SPA17: variants seen among roughly 807,000 people sequenced by gnomAD.
SPA17 encodes sperm surface protein Sp17.
SPA17 carries 7 observed loss-of-function variants against 13.8 expected under a neutral mutation model. The observed-to-expected ratio is 0.51, with a 90% confidence interval of 0.29 to 0.95. The LOEUF (loss-of-function observed/expected upper bound fraction) is 0.95. Ranked by LOEUF, SPA17 falls within the 40% of genes least tolerant of loss-of-function variation. The pLI is 0.08. For missense variants in SPA17, 170 were observed against 179.3 expected, an observed-to-expected ratio of 0.95 and a Z score of 0.30; for synonymous variants, 61 against 59.0, an observed-to-expected ratio of 1.03 and a Z score of -0.16.
rs774050345 is a variant in SPA17 at position 124,694,408 on chromosome 11, A to G, written c.418A>G (p.Asn140Asp). The change falls in exon 5 of 5, where the codon AAT becomes GAT. Residue 140 changes from asparagine (N) to aspartate (D), a missense_variant. Physicochemically the swap from Asn to Asp is conservative, Grantham distance 23. Coordinates refer to ENST00000227135, the MANE Select transcript of SPA17 (RefSeq NM_017425.4). Reference sequence around the variant, plus strand: ...AGAGGAGGCAAAGAAAATGAAAACAAATAGTCTTCAAAATGAGGAAAAAGA... The same window carrying G: ...AGAGGAGGCAAAGAAAATGAAAACAGATAGTCTTCAAAATGAGGAAAAAGA... ...AREEAKKMKT[N>D]SLQNEEKEEN... The G allele has an allele frequency of 1.9e-6, 3 of 1,613,710 alleles. No homozygotes were observed. The highest frequency in any genetic ancestry group is 2.5e-6 in the Non-Finnish European group (3 of 1,179,894).
At chr11:124,692,512 G>A (rs1008560982) in intron 4 of SPA17, among the ~76,000 whole-genome samples, 3 of 152,046 alleles carry the variant, frequency 2.0e-5, no homozygotes, top group Non-Finnish European at 2.9e-5. Context: ...CCCGGGAGGC[G>A]GAGGTTGCAG....
At chr11:124,678,483 C>A (rs1472525857) in intron 2 of SPA17, among the ~76,000 whole-genome samples, 2 of 151,258 alleles carry the variant, frequency 1.3e-5, no homozygotes, top group African/African-American at 4.9e-5. Context: ...AGTATGCTAT[C>A]ATTTAACAAA....
rs1318225503 is a variant in SPA17 at position 124,695,489 on chromosome 11, T to G, written c.*1043T>G. 1.3e-5 allele frequency: 2 copies of G among 152,206 alleles called. No homozygotes were observed. Among genetic ancestry groups the G allele is most frequent in the African/African-American group, 2.4e-5 (1 of 41,442 alleles). The allele number at this position is 152,206 out of a possible 1,614,324, so 9.4% of individuals were successfully genotyped here. Reference sequence around the variant, plus strand: ...TCCCTAGTGCCTTAGTTTTAGAAAGTTCCGTCTCTCCTTTTTGAGGCCTCT... The same window carrying G: ...TCCCTAGTGCCTTAGTTTTAGAAAGGTCCGTCTCTCCTTTTTGAGGCCTCT... On this transcript the variant is annotated 3_prime_UTR_variant, in exon 5 of 5. Transcript: ENST00000227135.
intron 2 of SPA17, among the ~76,000 whole-genome samples, chr11:124,676,507 C>CCA (rs1277989683): frequency 2.6e-5 from 4 of 152,132 alleles, no homozygotes; most frequent in Admixed American, 2.6e-4. Flanking sequence ...AAAACAACTC[C>CCA]CACACACACT....
At chr11:124,677,439 G>C (rs1365658159) in intron 2 of SPA17, among the ~76,000 whole-genome samples, 3 of 151,948 alleles carry the variant, frequency 2.0e-5, no homozygotes, top group Admixed American at 6.6e-5. Context: ...TTAAGATAAA[G>C]GAAAAAGATA....
Position 124,693,976 on chromosome 11 carries a change from C to G in SPA17, c.313-327C>G, listed in dbSNP as rs148743906. On this transcript the variant is annotated intron_variant, in intron 4 of 4. Coordinates refer to ENST00000227135, the MANE Select transcript of SPA17 (RefSeq NM_017425.4). Reference sequence around the variant, plus strand: ...CTTTCTTCTTAACATTTTTACCATGCCTCAAGGATTCTTTCTTGTCCCCCC... The same window carrying G: ...CTTTCTTCTTAACATTTTTACCATGGCTCAAGGATTCTTTCTTGTCCCCCC... Among the ~76,000 whole-genome samples the G allele has an allele frequency of 4.3e-3, 658 of 152,168 alleles. 15 individuals are homozygous for G. Among genetic ancestry groups the G allele is most frequent in the Admixed American group, 0.033 (497 of 15,278 alleles).
Position 124,695,204 on chromosome 11 carries a change from G to A in SPA17, c.*758G>A, listed in dbSNP as rs1201571804. 2 of 152,234 alleles carry A rather than the reference G, an allele frequency of 1.3e-5. No individual in the cohort carries two copies. Among genetic ancestry groups the A allele is most frequent in the Admixed American group, 6.5e-5 (1 of 15,280 alleles). 9.4% of individuals were successfully genotyped at this position (152,234 alleles called of 1,614,324 possible). On this transcript the variant is annotated 3_prime_UTR_variant, in exon 5 of 5. Transcript: ENST00000227135. ...ATGTATTCAATCATTTATTGAAAAT[G>A]TATTGAGTACTATTCATGTGCTGGG... is the stretch of plus-strand genomic sequence containing the variant.
At chr11:124,684,516 C>A (rs1353460179) in intron 3 of SPA17, among the ~76,000 whole-genome samples, 1 of 152,184 alleles carries the variant, frequency 6.6e-6, no homozygotes, top group Non-Finnish European at 1.5e-5. Context: ...CTTCCCAAAT[C>A]ACTGGGATTA....
At position 124,694,632 on chromosome 11, in the gene SPA17, C is replaced by G; in HGVS notation, c.*186C>G. On this transcript the variant is annotated 3_prime_UTR_variant, in exon 5 of 5. Coordinates refer to ENST00000227135, the MANE Select transcript of SPA17 (RefSeq NM_017425.4). ...ATTGAAACATGCCACTTGAAGATTT[C>G]TCTGAGATCATGAGTTTGTTTACAC... 1 of 700,768 alleles carries G rather than the reference C, an allele frequency of 1.4e-6. No individual in the cohort carries two copies. The highest frequency in any genetic ancestry group is 2.1e-5 in the South Asian group (1 of 46,982). The allele number at this position is 700,768 out of a possible 1,614,324, so 43.4% of individuals were successfully genotyped here.
At position 124,694,294 on chromosome 11, in the gene SPA17, T is replaced by TCGA; in HGVS notation, c.313-8_313-6dup. 1 of 1,605,098 alleles carries TCGA rather than the reference T, an allele frequency of 6.2e-7. No homozygotes were observed. The highest frequency in any genetic ancestry group is 8.5e-7 in the Non-Finnish European group (1 of 1,178,040). ...AAAGAGTCTCTTACTTTTTCTCCTT[T>TCGA]CGATGAAGGACTCTTCTGAGGAAGA... On this transcript the variant is annotated splice_polypyrimidine_tract_variant and intron_variant, in intron 4 of 4. Coordinates refer to ENST00000227135, the MANE Select transcript of SPA17 (RefSeq NM_017425.4).
At chr11:124,685,195 C>T (rs939985377) in intron 3 of SPA17, among the ~76,000 whole-genome samples, 1 of 152,222 alleles carries the variant, frequency 6.6e-6, no homozygotes, top group African/African-American at 2.4e-5. Flanking sequence ...CCCAGGGCTC[C>T]CCTGCTGTAT....
Position 124,695,403 on chromosome 11 carries a change from A to G in SPA17, c.*957A>G, listed in dbSNP as rs1313765953. On this transcript the variant is annotated 3_prime_UTR_variant, in exon 5 of 5. Coordinates refer to ENST00000227135, the MANE Select transcript of SPA17 (RefSeq NM_017425.4). Reference sequence around the variant, plus strand: ...CCCAAGTTTTTAAATATACAATGGTAATGCCTGTTTAACAAACTCAGAGGC... The same window carrying G: ...CCCAAGTTTTTAAATATACAATGGTGATGCCTGTTTAACAAACTCAGAGGC... 6.6e-6 allele frequency: 1 copy of G among 152,038 alleles called. No individual in the cohort carries two copies. Among genetic ancestry groups the G allele is most frequent in the Non-Finnish European group, 1.5e-5 (1 of 68,034 alleles). The allele number at this position is 152,038 out of a possible 1,614,324, so 9.4% of individuals were successfully genotyped here. A position where few individuals can be genotyped will look rare whatever the true frequency, so the allele number is the denominator to read the frequency against.
rs751097290 is a variant in SPA17, at chr11:124,675,408, G to C, written c.144G>C (p.Glu48Asp). Residue 48 changes from glutamate to aspartate, a missense_variant, in exon 2 of 5, where the codon GAG becomes GAC. Transcript: ENST00000227135. ...CAGCCTATTTTGAGAGCCTTCTAGAGAAAAGAGAGAGTAAGCTTTCTAAAA... is the reference window on the plus strand; with the variant it reads ...CAGCCTATTTTGAGAGCCTTCTAGACAAAAGAGAGAGTAAGCTTTCTAAAA... Reference protein sequence around the residue: ...FAAAYFESLLEKREKTNFDPA... With the variant: ...FAAAYFESLLDKREKTNFDPA... 1 of 1,608,532 alleles carries C rather than the reference G, an allele frequency of 6.2e-7. No individual in the cohort carries two copies. The highest frequency in any genetic ancestry group is 8.5e-7 in the Non-Finnish European group (1 of 1,178,742).
At chr11:124,673,976 C>G in intron 1 of SPA17, 24 bp downstream of exon 1, 1 of 541,994 alleles carries the variant, frequency 1.8e-6, no homozygotes, top group East Asian at 3.1e-5. Context: ...CCCACTTCCT[C>G]TCCGATACCA....
chr11:124,674,123 G>T, intron 1 of SPA17, 171 bp downstream of exon 1: 1 of 201,696 alleles, frequency 5.0e-6, no homozygotes, highest in Non-Finnish European at 9.7e-6. Context: ...TCCCGCCCCC[G>T]ACTAGACCCG....
chr11:124,686,560 A>G (rs1430685797), intron 3 of SPA17, among the ~76,000 whole-genome samples: 2 of 152,242 alleles, frequency 1.3e-5, no homozygotes, highest in African/African-American at 2.4e-5. Context: ...ACAAGTCTCA[A>G]CAAATTTTAA....
chr11:124,691,026 T>C (rs1024473861), intron 3 of SPA17, among the ~76,000 whole-genome samples: 2 of 152,212 alleles, frequency 1.3e-5, no homozygotes, highest in African/African-American at 2.4e-5. Context: ...TTGCATCACA[T>C]AGCAATTTTG....
intron 2 of SPA17, among the ~76,000 whole-genome samples, chr11:124,680,214 T>TA (rs1175410495): frequency 6.6e-6 from 1 of 152,064 alleles, no homozygotes; most frequent in Non-Finnish European, 1.5e-5. Context: ...ATAAAAATTA[T>TA]AAAAAGAGTA....
At chr11:124,683,207 G>C (rs1943544571) in intron 3 of SPA17, among the ~76,000 whole-genome samples, 1 of 152,146 alleles carries the variant, frequency 6.6e-6, no homozygotes, top group South Asian at 2.1e-4. Context: ...GTCTGTACTA[G>C]GCTGGCCCTA....
Sources: allele counts gnomAD v4.1 joint callset (sites outside exome capture counted in the v4.1 genomes callset), GRCh38; gene constraint gnomAD v4.1.1; transcripts MANE v1.5; gene names NCBI Gene and HGNC (gene_info 2026-07-23, HGNC 2026-07-21).